The following DHRS7B variants were observed in gnomAD, a reference collection of about 807,000 sequenced individuals.
DHRS7B encodes dehydrogenase/reductase 7B, also known as peroxisomal reductase activating PPAR-gamma.
In DHRS7B, 24 loss-of-function variants were observed where a neutral mutation model predicts 26.4. That is an observed-to-expected ratio of 0.91 (90% CI 0.66 to 1.28). DHRS7B has a LOEUF of 1.28. Ranked by LOEUF, DHRS7B falls within the 50% of genes most tolerant of loss-of-function variation. The pLI, the probability that DHRS7B is intolerant of heterozygous loss-of-function variation, is 0.00. For synonymous variants in DHRS7B, 142 were observed against 166.4 expected (o/e 0.85, Z 1.13); for missense variants, 368 against 419.4 (o/e 0.88, Z 1.07).
intron 2 of DHRS7B, among the ~76,000 whole-genome samples, chr17:21,178,007 C>G (rs2279164): frequency 0.4 from 61,055 of 152,184 alleles, 13,252 homozygotes; most frequent in Non-Finnish European, 0.49. Context: ...TGATACTTAA[C>G]ACATCTGTCC....
In DHRS7B at chr17:21,173,952, T is replaced by G. The variant is rs558586125; in HGVS notation, c.199+1756T>G. Reference sequence around the variant, plus strand: ...ATCTCCTCTCCTGACACCAAGACTATGAAGGGAACAGAAAATGTCACGGAG... The same window carrying G: ...ATCTCCTCTCCTGACACCAAGACTAGGAAGGGAACAGAAAATGTCACGGAG... On this transcript the variant is annotated intron_variant, in intron 2 of 6. Transcript: ENST00000395511. Among the ~76,000 whole-genome samples, 3 of 152,280 alleles carry G rather than the reference T, an allele frequency of 2.0e-5. No homozygotes were observed. The South Asian group carries it at 6.2e-4, about 32-fold the overall frequency.
At chr17:21,157,955 AT>A (rs1973916784) in intron 1 of DHRS7B, among the ~76,000 whole-genome samples, 2 of 152,028 alleles carry the variant, frequency 1.3e-5, no homozygotes, top group African/African-American at 4.8e-5. Flanking sequence ...AAAAAAAAAA[AT>A]AATAATAATC....
intron 1 of DHRS7B, among the ~76,000 whole-genome samples, chr17:21,161,081 T>A (rs1973989842): frequency 6.6e-6 from 1 of 152,092 alleles, no homozygotes; most frequent in African/African-American, 2.4e-5. Context: ...GCACAGAGGA[T>A]TTTTAGGGCA....
chr17:21,168,880 A>G, intron 1 of DHRS7B: 1 of 985,462 alleles, frequency 1.0e-6, no homozygotes, highest in Non-Finnish European at 1.2e-6. Flanking sequence ...GAATCCCAGA[A>G]GTGTACAAGA....
intron 3 of DHRS7B, among the ~76,000 whole-genome samples, chr17:21,182,066 T>G (rs1285618527): frequency 6.6e-6 from 1 of 152,104 alleles, no homozygotes; most frequent in Non-Finnish European, 1.5e-5. Context: ...TATCTGTGGG[T>G]TTTTCATAAA....
chr17:21,180,474 G>A (rs147569456), intron 3 of DHRS7B, among the ~76,000 whole-genome samples: 2 of 152,274 alleles, frequency 1.3e-5, no homozygotes, highest in African/African-American at 4.8e-5. Context: ...TTTTGCACGT[G>A]ATTATCTACT....
intron 1 of DHRS7B, among the ~76,000 whole-genome samples, chr17:21,167,211 C>T (rs899331): frequency 0.86 from 131,072 of 151,998 alleles, 56,692 homozygotes; most frequent in Middle Eastern, 0.89. Flanking sequence ...ATGAGCTGCA[C>T]AAATGGATGT....
At chr17:21,174,028 C>T (rs1204965139) in intron 2 of DHRS7B, among the ~76,000 whole-genome samples, 2 of 152,104 alleles carry the variant, frequency 1.3e-5, no homozygotes, top group Non-Finnish European at 2.9e-5. Flanking sequence ...TCCTGGATTC[C>T]AGTCACTGCT....
chr17:21,140,891 C>T (rs1025707812), intron 1 of DHRS7B, among the ~76,000 whole-genome samples: 2 of 151,974 alleles, frequency 1.3e-5, no homozygotes, highest in African/African-American at 4.8e-5. Context: ...GCTTCCTGCC[C>T]TTTTTCTTTT....
intron 1 of DHRS7B, among the ~76,000 whole-genome samples, chr17:21,159,876 A>AT (rs1973963720): frequency 6.6e-6 from 1 of 151,196 alleles, no homozygotes; most frequent in African/African-American, 2.4e-5. Context: ...AAAAAAAAAA[A>AT]AAAAAAAAGG....
chr17:21,186,334 A>G (rs1015533468), intron 5 of DHRS7B, among the ~76,000 whole-genome samples: 1 of 152,264 alleles, frequency 6.6e-6, no homozygotes, highest in African/African-American at 2.4e-5. Context: ...CTGAGAACTC[A>G]CAGCCTGAGA....
chr17:21,170,360 A>G (rs1239639812), intron 1 of DHRS7B, among the ~76,000 whole-genome samples: 1 of 152,202 alleles, frequency 6.6e-6, no homozygotes, highest in Admixed American at 6.5e-5. Flanking sequence ...CATAGCCTGC[A>G]GGCAAGAACA....
At chr17:21,184,869 G>A (rs188049832) in intron 5 of DHRS7B, among the ~76,000 whole-genome samples, 58 of 152,290 alleles carry the variant, frequency 3.8e-4, no homozygotes, top group Admixed American at 3.4e-3. Flanking sequence ...TGCTTCCACA[G>A]TTTTTTCTAC....
At chr17:21,142,676 C>G (rs1019199243) in intron 1 of DHRS7B, among the ~76,000 whole-genome samples, 2 of 151,972 alleles carry the variant, frequency 1.3e-5, no homozygotes, top group Non-Finnish European at 2.9e-5. Flanking sequence ...GCTCTCCCAC[C>G]CCCTCACCCC....
intron 1 of DHRS7B, among the ~76,000 whole-genome samples, chr17:21,157,485 C>G (rs1481727584): frequency 6.6e-6 from 1 of 152,056 alleles, no homozygotes; most frequent in Non-Finnish European, 1.5e-5. Context: ...TTGCGTGAGG[C>G]CAGGAATTCA....
At chr17:21,142,979 A>T (rs922286776) in intron 1 of DHRS7B, among the ~76,000 whole-genome samples, 1 of 152,206 alleles carries the variant, frequency 6.6e-6, no homozygotes, top group Non-Finnish European at 1.5e-5. Context: ...CCCAGACTGG[A>T]GTGCCGTGGC....
At chr17:21,166,385 C>T (rs969860089) in intron 1 of DHRS7B, 3 of 985,330 alleles carry the variant, frequency 3.0e-6, no homozygotes, top group Admixed American at 6.1e-5. Context: ...GGCTTGCTGA[C>T]CTGAAGGTGT....
At chr17:21,190,316 C>T (rs1974747769) in intron 6 of DHRS7B, among the ~76,000 whole-genome samples, 1 of 152,202 alleles carries the variant, frequency 6.6e-6, no homozygotes, top group Non-Finnish European at 1.5e-5. Flanking sequence ...CTCCTAATCT[C>T]TCCCAGCTGT....
At chr17:21,180,887 C>T (rs1974501999) in intron 3 of DHRS7B, among the ~76,000 whole-genome samples, 1 of 152,102 alleles carries the variant, frequency 6.6e-6, no homozygotes, top group African/African-American at 2.4e-5. Context: ...CTATTGGTCC[C>T]TTTGGGGAGT....
Sources: allele counts gnomAD v4.1 joint callset (sites outside exome capture counted in the v4.1 genomes callset), GRCh38; gene constraint gnomAD v4.1.1; transcripts MANE v1.5; gene names NCBI Gene and HGNC (gene_info 2026-07-23, HGNC 2026-07-21).